Variants in DCHS1 observed in about 807,000 individuals in gnomAD.
DCHS1 encodes the protein dachsous cadherin-related 1, also known as protocadherin-16.
In DCHS1, 78 loss-of-function variants were observed where a neutral mutation model predicts 213.9. That is an observed-to-expected ratio of 0.36 (90% confidence interval 0.30 to 0.44). The LOEUF (loss-of-function observed/expected upper bound fraction) is 0.44. Ranked by LOEUF, DCHS1 falls within the 20% of genes least tolerant of loss-of-function variation. The pLI is 1.00. For synonymous variants in DCHS1, 1,828 were observed against 1,873.7 expected (o/e 0.98, Z 0.63); for missense variants, 3,946 against 4,395.9 (o/e 0.90, Z 2.89).
In DCHS1 at chr11:6,631,151, G is replaced by A; in HGVS notation, c.3832C>T (p.Pro1278Ser). 6.2e-7 allele frequency: 1 copy of A among 1,612,228 alleles called. No individual in the cohort carries two copies. Among genetic ancestry groups the A allele is most frequent in the Non-Finnish European group, 8.5e-7 (1 of 1,178,840 alleles). ...TGGGGCCGCTCTGCTCGGATCAGGGGAGCTGCAGTGAGCAGCTCCCCTGAG... is the reference window on the plus strand; with the variant it reads ...TGGGGCCGCTCTGCTCGGATCAGGGAAGCTGCAGTGAGCAGCTCCCCTGAG... The part of the protein sequence containing the change: ...PHSGELLTAA[P>S]LIRAERPHYV... Residue 1278 changes from proline to serine, a missense_variant, in exon 9 of 21, where the codon CCC becomes TCC. Around this residue, in one of 3 missense-constraint regions of DCHS1, gnomAD observed 3,384 missense variants for 3,780.1 expected, o/e 0.90. Transcript: ENST00000299441.
In DCHS1 at chr11:6,626,960, C is replaced by A; in HGVS notation, c.6079G>T (p.Val2027Leu). The change falls in exon 14 of 21, where the codon GTA becomes TTA. Residue 2027 changes from valine to leucine, a missense_variant. Transcript: ENST00000299441. This position sits in a 1 kb window ranked among gnomAD's most constrained non-coding sequence, Gnocchi z 5.2. ...TGEIRVARSP[V>L]ALGPRDRVLF... is the part of the protein sequence containing the mutation. Reference sequence around the variant, plus strand: ...ACACGATCTCGGGGGCCTAGAGCTACAGGAGAGCGGGCCACGCGGATTTCA... The same window carrying A: ...ACACGATCTCGGGGGCCTAGAGCTAAAGGAGAGCGGGCCACGCGGATTTCA... The A allele has an allele frequency of 2.5e-6, 4 of 1,613,762 alleles. No individual in the cohort carries two copies. Among genetic ancestry groups the A allele is most frequent in the Non-Finnish European group, 3.4e-6 (4 of 1,179,886 alleles).
In DCHS1 at chr11:6,625,808, G is replaced by A; in HGVS notation, c.6732-81C>T. On this transcript the variant is annotated intron_variant, in intron 17 of 20. Transcript: ENST00000299441. This position sits in a 1 kb window ranked among gnomAD's most constrained non-coding sequence, Gnocchi z 5.3. Reference sequence around the variant, plus strand: ...CAGGGCCAGGAGGACTCAGGACAGAGCTTAGGGCTGGGGAATTCAGGATGT... The same window carrying A: ...CAGGGCCAGGAGGACTCAGGACAGAACTTAGGGCTGGGGAATTCAGGATGT... 1 of 1,582,990 alleles carries A rather than the reference G, an allele frequency of 6.3e-7. No individual in the cohort carries two copies. Among genetic ancestry groups the A allele is most frequent in the Non-Finnish European group, 8.6e-7 (1 of 1,163,562 alleles).
At position 6,625,578 on chromosome 11, in the gene DCHS1, C is replaced by T; in HGVS notation, c.6862+19G>A. 6.2e-7 allele frequency: 1 copy of T among 1,613,496 alleles called. No homozygotes were observed. Among genetic ancestry groups the T allele is most frequent in the South Asian group, 1.1e-5 (1 of 91,042 alleles). The stretch of plus-strand genomic sequence containing the variant: ...GTCTCTCTGCCACCCTTTATGCCAC[C>T]CACTTTACCCAGCCTCACCTTCTGA... On this transcript the variant is annotated intron_variant, in intron 18 of 20. Coordinates refer to ENST00000299441, the MANE Select transcript of DCHS1 (RefSeq NM_003737.4). This position sits in a 1 kb window ranked among gnomAD's most constrained non-coding sequence, Gnocchi z 5.3.
chr11:6,624,582 G>T, intron 20 of DCHS1, 148 bp downstream of exon 20: 1 of 1,358,326 alleles, frequency 7.4e-7, no homozygotes, highest in Non-Finnish European at 1.0e-6. Flanking sequence ...GTCAACAAGG[G>T]GCTTATAATG....
In DCHS1 at chr11:6,621,602, G is replaced by A; in HGVS notation, c.*177C>T. On this transcript the variant is annotated 3_prime_UTR_variant, in exon 21 of 21. Coordinates refer to ENST00000299441, the MANE Select transcript of DCHS1 (RefSeq NM_003737.4). ...CTGGTCACAGGTCAGTGAGCAACAG[G>A]GCTTCTGTGGTCCTAGTACTCTGAG... 1 of 759,110 alleles carries A rather than the reference G, an allele frequency of 1.3e-6. No individual in the cohort carries two copies. The allele number at this position is 759,110 out of a possible 1,614,324, so 47.0% of individuals were successfully genotyped here. A position where few individuals can be genotyped will look rare whatever the true frequency, so the allele number is the denominator to read the frequency against.
intron 2 of DCHS1, among the ~76,000 whole-genome samples, chr11:6,639,605 G>A (rs1485824150): frequency 1.3e-5 from 2 of 152,140 alleles, no homozygotes; most frequent in South Asian, 2.1e-4. Flanking sequence ...CACCTGCCAA[G>A]ACCATCTGCC....
In DCHS1 at chr11:6,640,231, G is replaced by T. The variant is rs150938956; in HGVS notation, c.1383C>A (p.His461Gln). 90 of 1,612,520 alleles carry T rather than the reference G, an allele frequency of 5.6e-5. No individual in the cohort carries two copies. The highest frequency in any genetic ancestry group is 7.4e-5 in the Non-Finnish European group (87 of 1,179,374). ...PLRAEAAFVLHVTDVNDNAPA... is the reference protein window; with the variant it reads ...PLRAEAAFVLQVTDVNDNAPA... ...GTGCATTGTCGTTGACATCAGTGAC[G>T]TGCAGCACAAAGGCAGCCTCAGCCC... The change falls in exon 2 of 21, where the codon CAC becomes CAA. Residue 461 changes from histidine to glutamine, a missense_variant. By Grantham distance (24) the His-to-Gln change is conservative. Around this residue, in one of 3 missense-constraint regions of DCHS1, gnomAD observed 3,384 missense variants for 3,780.1 expected, o/e 0.90. Coordinates refer to ENST00000299441, the MANE Select transcript of DCHS1 (RefSeq NM_003737.4). The surrounding 1 kb of genome is among the most constrained non-coding windows in gnomAD (Gnocchi z 6.5).
chr11:6,622,591 G>A lies in DCHS1; in HGVS notation c.9085C>T (p.His3029Tyr). 1.3e-6 allele frequency: 2 copies of A among 1,581,084 alleles called. No individual in the cohort carries two copies. The highest frequency in any genetic ancestry group is 1.7e-6 in the Non-Finnish European group (2 of 1,164,256). The change falls in exon 21 of 21, where the codon CAT (histidine) becomes TAT (tyrosine). Residue 3029 changes from histidine to tyrosine, a missense_variant. By Grantham distance (83) the His-to-Tyr change is moderately conservative. Coordinates refer to ENST00000299441, the MANE Select transcript of DCHS1 (RefSeq NM_003737.4). The surrounding 1 kb of genome is among the most constrained non-coding windows in gnomAD (Gnocchi z 5.4). Reference sequence around the variant, plus strand: ...TCTGCTGATCCTCGGCCACTTGAATGTGAAGGGTCCAAGGAGCCACCACGG... The same window carrying A: ...TCTGCTGATCCTCGGCCACTTGAATATGAAGGGTCCAAGGAGCCACCACGG... The part of the protein sequence containing the change: ...YPRGGSLDPS[H>Y]SSGRGSAEAA...
rs1346649501 is a variant in DCHS1 at position 6,629,826 on chromosome 11, C to T, written c.4881G>A (p.Pro1627=). 1.2e-6 allele frequency: 2 copies of T among 1,612,880 alleles called. No homozygotes were observed. Among genetic ancestry groups the T allele is most frequent in the Non-Finnish European group, 1.7e-6 (2 of 1,179,894 alleles). ...TCAGGACCTGCGTGGCCGAGCGCGGCGGGGAGCCGTGGTCTGAGGCCACCA... is the reference window on the plus strand; with the variant it reads ...TCAGGACCTGCGTGGCCGAGCGCGGTGGGGAGCCGTGGTCTGAGGCCACCA... ...LTVVASDHGS[P]PRSATQVLTV... The change falls in exon 11 of 21, where the codon CCG becomes CCA. Residue 1627 remains proline (P), a synonymous_variant. Transcript: ENST00000299441.
At position 6,631,703 on chromosome 11, in the gene DCHS1, A is replaced by G. The variant is rs1369084845; in HGVS notation, c.3588T>C (p.Thr1196=). ...TGAGGTCAAGCACTGCAACATGCAC[A>G]GTGCCTGTGGTGCTGCGGGGTGGGC... ...GGSPPRSTTG[T]VHVAVLDLND... Residue 1196 remains threonine, a synonymous_variant, in exon 7 of 21, where the codon ACT becomes ACC. Coordinates refer to ENST00000299441, the MANE Select transcript of DCHS1 (RefSeq NM_003737.4). The G allele has an allele frequency of 6.2e-6, 10 of 1,611,064 alleles. No individual in the cohort carries two copies. The highest frequency in any genetic ancestry group is 8.5e-6 in the Non-Finnish European group (10 of 1,178,570).
Position 6,622,811 on chromosome 11 carries a change from G to A in DCHS1, c.8865C>T (p.Ala2955=), listed in dbSNP as rs1255658245. The part of the protein sequence containing the change: ...LGVVVVLALA[A]LVLGLVRARS... ...GGGCCCGAACAAGTCCTAGGACCAG[G>A]GCTGCCAGTGCAAGCACCACCACAA... The change falls in exon 21 of 21, where the codon GCC becomes GCT. Residue 2955 remains alanine (A), a synonymous_variant. Transcript: ENST00000299441. This position sits in a 1 kb window ranked among gnomAD's most constrained non-coding sequence, Gnocchi z 5.4. 6.3e-7 allele frequency: 1 copy of A among 1,593,420 alleles called. No individual in the cohort carries two copies. Among genetic ancestry groups the A allele is most frequent in the Admixed American group, 1.7e-5 (1 of 57,404 alleles).
chr11:6,630,488 A>G lies in DCHS1; in HGVS notation c.4306T>C (p.Phe1436Leu). The G allele has an allele frequency of 6.5e-7, 1 of 1,534,182 alleles. No homozygotes were observed. Among genetic ancestry groups the G allele is most frequent in the South Asian group, 1.2e-5 (1 of 84,676 alleles). Reference protein sequence around the residue: ...VQDENEHAPAFARDPLALALP... With the variant: ...VQDENEHAPALARDPLALALP... ...GCCAGCGCCAGCGGGTCGCGCGCAA[A>G]GGCGGGCGCATGCTCATTCTCGTCC... Residue 1436 changes from phenylalanine to leucine, a missense_variant, in exon 10 of 21, where the codon TTT (phenylalanine) becomes CTT (leucine). Phe to Leu is a conservative substitution (Grantham distance 22). Coordinates refer to ENST00000299441, the MANE Select transcript of DCHS1 (RefSeq NM_003737.4).
Position 6,622,301 on chromosome 11 carries a change from C to T in DCHS1, c.9375G>A (p.Leu3125=). Residue 3125 remains leucine, a synonymous_variant, in exon 21 of 21, where the codon CTG becomes CTA. Transcript: ENST00000299441. The surrounding 1 kb of genome is among the most constrained non-coding windows in gnomAD (Gnocchi z 5.4). Reference sequence around the variant, plus strand: ...CATAGTCCCCAGTGGGTGCAGGGCTCAGGCCACAGCCCCCCAGGAAGGCTG... The same window carrying T: ...CATAGTCCCCAGTGGGTGCAGGGCTTAGGCCACAGCCCCCCAGGAAGGCTG... The part of the protein sequence containing the change: ...TATAFLGGCG[L]SPAPTGDYGF... The T allele has an allele frequency of 1.2e-6, 2 of 1,606,592 alleles. No homozygotes were observed. The highest frequency in any genetic ancestry group is 1.7e-6 in the Non-Finnish European group (2 of 1,176,888).
At chr11:6,635,010 C>T (rs1012248977) in intron 2 of DCHS1, 1 of 152,212 alleles carries the variant, frequency 6.6e-6, no homozygotes, top group Admixed American at 6.5e-5. Flanking sequence ...ACCAACTGTA[C>T]TTAGAAAGAA....
At chr11:6,652,162 C>T (rs1158512967) in intron 1 of DCHS1, among the ~76,000 whole-genome samples, 1 of 152,136 alleles carries the variant, frequency 6.6e-6, no homozygotes, top group Non-Finnish European at 1.5e-5. Context: ...ATGTAACTTT[C>T]CACTTATTTG....
In DCHS1 at chr11:6,625,806, G is replaced by C. The variant is rs1194142772; in HGVS notation, c.6732-79C>G. ...GGCAGGGCCAGGAGGACTCAGGACA[G>C]AGCTTAGGGCTGGGGAATTCAGGAT... is the stretch of plus-strand genomic sequence containing the variant. On this transcript the variant is annotated intron_variant, in intron 17 of 20. Coordinates refer to ENST00000299441, the MANE Select transcript of DCHS1 (RefSeq NM_003737.4). This position sits in a 1 kb window ranked among gnomAD's most constrained non-coding sequence, Gnocchi z 5.3. 11 of 1,583,556 alleles carry C rather than the reference G, an allele frequency of 6.9e-6. No individual in the cohort carries two copies. Among genetic ancestry groups the C allele is most frequent in the East Asian group, 2.3e-5 (1 of 44,326 alleles).
At position 6,622,265 on chromosome 11, in the gene DCHS1, T is replaced by A. The variant is rs761513230; in HGVS notation, c.9411A>T (p.Ala3137=). 1 of 1,605,394 alleles carries A rather than the reference T, an allele frequency of 6.2e-7. No homozygotes were observed. ...CACCTGCCACACATGGCTTGCCATC[T>A]GCTGGGAAGCCATAGTCCCCAGTGG... The part of the protein sequence containing the change: ...PAPTGDYGFP[A]DGKPCVAGAL... The change falls in exon 21 of 21, where the codon GCA becomes GCT. Residue 3137 remains alanine, a synonymous_variant. Transcript: ENST00000299441. The surrounding 1 kb of genome is among the most constrained non-coding windows in gnomAD (Gnocchi z 5.4).
rs755716427 is a variant in DCHS1 at position 6,640,088 on chromosome 11, G to A, written c.1526C>T (p.Thr509Ile). ...DPDQGTNGQV[T>I]YSLAPGAHTH... ...GTGGGCGCCAGGGGCTAGGCTATAA[G>A]TGACCTGACCATTGGTGCCTTGGTC... The change falls in exon 2 of 21, where the codon ACT becomes ATT. Residue 509 changes from threonine (T) to isoleucine (I), a missense_variant. Transcript: ENST00000299441. The surrounding 1 kb of genome is among the most constrained non-coding windows in gnomAD (Gnocchi z 6.5). 1.9e-6 allele frequency: 3 copies of A among 1,613,892 alleles called. No individual in the cohort carries two copies. The highest frequency in any genetic ancestry group is 1.7e-6 in the Non-Finnish European group (2 of 1,179,840).
chr11:6,622,199 G>A lies in DCHS1; in HGVS notation c.9477C>T (p.Gly3159=), dbSNP rs775261458. Residue 3159 remains glycine (G), a synonymous_variant, in exon 21 of 21, where the codon GGC becomes GGT. Transcript: ENST00000299441. The surrounding 1 kb of genome is among the most constrained non-coding windows in gnomAD (Gnocchi z 5.4). The part of the protein sequence containing the change: ...AIVAGEEELR[G]SYNWDYLLSW... ...TCAGCAGGTAGTCCCAGTTATAGCT[G>A]CCACGGAGCTCCTCCTCGCCGGCCA... The A allele has an allele frequency of 3.1e-5, 50 of 1,604,922 alleles. No individual in the cohort carries two copies. Among genetic ancestry groups the A allele is most frequent in the Non-Finnish European group, 4.0e-5 (47 of 1,177,434 alleles).
Sources: gnomAD v4.1 joint callset for allele counts (sites outside exome capture counted in the v4.1 genomes callset) on GRCh38, gnomAD v4.1.1 for gene constraint, gnomAD v4.1.1 regional missense constraint, Gnocchi (gnomAD v3.1) non-coding constraint, MANE v1.5 for transcripts, NCBI Gene and HGNC (gene_info 2026-07-23, HGNC 2026-07-21) for gene names.